Variants in FRMD4A observed in about 807,000 individuals in gnomAD.
The protein encoded by FRMD4A is FERM domain-containing protein 4A.
FRMD4A carries 29 observed loss-of-function variants against 129.1 expected under a neutral mutation model. That is an observed-to-expected ratio of 0.22 (90% CI 0.17 to 0.31). The LOEUF (loss-of-function observed/expected upper bound fraction) is 0.31. FRMD4A is among the 10% of genes least tolerant of loss of function. The pLI, the probability that FRMD4A is intolerant of heterozygous loss-of-function variation, is 1.00. For synonymous variants in FRMD4A, 634 were observed against 571.6 expected, an observed-to-expected ratio of 1.11 and a Z score of -1.56; for missense variants, 1,272 against 1,375.8, an observed-to-expected ratio of 0.92 and a Z score of 1.19.
intron 2 of FRMD4A, among the ~76,000 whole-genome samples, chr10:13,958,076 C>G (rs1459991544): frequency 6.6e-6 from 1 of 152,096 alleles, no homozygotes. Context: ...TCACCTGGCC[C>G]CATACGCTAC....
chr10:13,969,980 C>T (rs956656374), intron 2 of FRMD4A, among the ~76,000 whole-genome samples: 10 of 152,202 alleles, frequency 6.6e-5, no homozygotes, highest in Non-Finnish European at 1.5e-4. Flanking sequence ...ACATACCCAG[C>T]TTGGGGACTT....
chr10:14,126,187 T>TG (rs1324329568), intron 2 of FRMD4A, among the ~76,000 whole-genome samples: 1 of 149,392 alleles, frequency 6.7e-6, no homozygotes, highest in Non-Finnish European at 1.5e-5. Context: ...TTTTTTTTTT[T>TG]TGAGATGGAG....
chr10:14,121,967 G>A (rs976642563), intron 2 of FRMD4A, among the ~76,000 whole-genome samples: 2 of 152,180 alleles, frequency 1.3e-5, no homozygotes, highest in African/African-American at 4.8e-5. Context: ...GCCAAGATAT[G>A]GAAAGCCTGT....
chr10:14,267,278 A>C (rs1444054439), intron 2 of FRMD4A, among the ~76,000 whole-genome samples: 2 of 152,248 alleles, frequency 1.3e-5, no homozygotes, highest in Non-Finnish European at 2.9e-5. Context: ...ACATCTGTCT[A>C]GAGGTTTACA....
At chr10:14,283,328 G>A (rs898200600) in intron 2 of FRMD4A, among the ~76,000 whole-genome samples, 7 of 152,150 alleles carry the variant, frequency 4.6e-5, no homozygotes, top group South Asian at 2.1e-4. Context: ...AAGTAGCAGC[G>A]TTCAACTTGG....
intron 2 of FRMD4A, among the ~76,000 whole-genome samples, chr10:14,322,684 T>C (rs926124358): frequency 6.6e-6 from 1 of 152,198 alleles, no homozygotes; most frequent in African/African-American, 2.4e-5. Flanking sequence ...GGCCAGTGTT[T>C]CCTTGACATT....
chr10:14,189,967 C>G (rs1842266762), intron 2 of FRMD4A, among the ~76,000 whole-genome samples: 2 of 152,308 alleles, frequency 1.3e-5, no homozygotes, highest in Non-Finnish European at 2.9e-5. Flanking sequence ...CTCTCTGACT[C>G]TAGGCTAAAA....
At chr10:13,909,596 G>A (rs2094920218) in intron 2 of FRMD4A, among the ~76,000 whole-genome samples, 1 of 152,208 alleles carries the variant, frequency 6.6e-6, no homozygotes, top group African/African-American at 2.4e-5. Context: ...TTTAAAAGAT[G>A]AGTTAATTAT....
chr10:14,309,187 C>T (rs914641794), intron 2 of FRMD4A, among the ~76,000 whole-genome samples: 1 of 152,170 alleles, frequency 6.6e-6, no homozygotes, highest in African/African-American at 2.4e-5. Flanking sequence ...TGGTGGCTCA[C>T]GTCTGTAATC....
At chr10:13,831,490 C>A (rs1351544828) in intron 3 of FRMD4A, among the ~76,000 whole-genome samples, 1 of 152,168 alleles carries the variant, frequency 6.6e-6, no homozygotes, top group Non-Finnish European at 1.5e-5. Context: ...TGTTAGGAAA[C>A]AAGAAGGCTT....
At chr10:13,891,541 G>C (rs985277449) in intron 2 of FRMD4A, 1 of 926,008 alleles carries the variant, frequency 1.1e-6, no homozygotes. Flanking sequence ...CCTTTTCCCC[G>C]GCCCAGCGTG....
At chr10:14,326,108 A>G (rs914616922) in intron 2 of FRMD4A, 8 of 152,212 alleles carry the variant, frequency 5.3e-5, no homozygotes, top group African/African-American at 1.9e-4. Context: ...AAAAAATGGC[A>G]GCTATTTCAT....
intron 6 of FRMD4A, among the ~76,000 whole-genome samples, chr10:13,780,156 A>G (rs183038667): frequency 6.6e-6 from 1 of 152,164 alleles, no homozygotes; most frequent in African/African-American, 2.4e-5. Flanking sequence ...GCAAAACCCC[A>G]TCTCTATTAA....
intron 14 of FRMD4A, among the ~76,000 whole-genome samples, chr10:13,698,319 G>A (rs1305504225): frequency 2.6e-5 from 4 of 152,134 alleles, no homozygotes; most frequent in African/African-American, 4.8e-5. Flanking sequence ...AGGAATGGTT[G>A]GCATGTCCCA....
intron 2 of FRMD4A, among the ~76,000 whole-genome samples, chr10:13,944,171 C>T (rs1008075134): frequency 2.5e-4 from 38 of 152,258 alleles, no homozygotes; most frequent in Non-Finnish European, 4.9e-4. Context: ...CAGCAGGAGG[C>T]GAGCCGTGAG....
chr10:13,738,953 T>A (rs1298762660), intron 11 of FRMD4A, among the ~76,000 whole-genome samples: 1 of 152,128 alleles, frequency 6.6e-6, no homozygotes, highest in Non-Finnish European at 1.5e-5. Flanking sequence ...TCTTGTCACC[T>A]GAGCGTAAGT....
intron 2 of FRMD4A, among the ~76,000 whole-genome samples, chr10:14,309,101 G>T (rs1846450556): frequency 6.6e-6 from 1 of 152,182 alleles, no homozygotes; most frequent in African/African-American, 2.4e-5. Context: ...AAAGATGTTA[G>T]GGGACAGAGA....
chr10:14,207,438 T>C (rs531759948), intron 2 of FRMD4A, among the ~76,000 whole-genome samples: 1 of 152,288 alleles, frequency 6.6e-6, no homozygotes, highest in Non-Finnish European at 1.5e-5. Context: ...GGGAGAATCA[T>C]GGACTGGAAC....
intron 15 of FRMD4A, among the ~76,000 whole-genome samples, chr10:13,677,652 T>A (rs1266422344): frequency 6.6e-6 from 1 of 152,166 alleles, no homozygotes; most frequent in Non-Finnish European, 1.5e-5. Context: ...CATAAGCCAA[T>A]CACCCTGTGC....
Sources: gnomAD v4.1 joint callset for allele counts (sites outside exome capture counted in the v4.1 genomes callset) on GRCh38, gnomAD v4.1.1 for gene constraint, MANE v1.5 for transcripts, NCBI Gene and HGNC (gene_info 2026-07-23, HGNC 2026-07-21) for gene names.